The following APOBEC3D variants were observed in gnomAD, a reference collection of about 807,000 sequenced individuals.
The protein encoded by APOBEC3D is DNA dC->dU-editing enzyme APOBEC-3D.
Under a neutral mutation model 45.6 loss-of-function variants are expected in APOBEC3D, and 37 were observed. The ratio of observed to expected loss-of-function variants is 0.81; its 90% confidence interval spans 0.62 to 1.07. APOBEC3D has a LOEUF of 1.07. Among genes scored for constraint, APOBEC3D ranks in the 50% least tolerant of loss-of-function variants. APOBEC3D has a pLI of 0.00. For synonymous variants in APOBEC3D, 175 were observed against 180.7 expected, an observed-to-expected ratio of 0.97 and a Z score of 0.25; for missense variants, 496 against 495.3, an observed-to-expected ratio of 1.00 and a Z score of -0.01.
At chr22:39,021,565 C>A (rs748983584) in intron 1 of APOBEC3D, 29 bp downstream of exon 1, 1 of 1,611,764 alleles carries the variant, frequency 6.2e-7, no homozygotes, top group East Asian at 2.2e-5. Context: ...TCCGCAGGGC[C>A]CCTCCGGCCC....
At chr22:39,027,986 G>A (rs1351132942) in intron 4 of APOBEC3D, among the ~76,000 whole-genome samples, 1 of 152,212 alleles carries the variant, frequency 6.6e-6, no homozygotes, top group Non-Finnish European at 1.5e-5. Flanking sequence ...TTGAACCAAA[G>A]GATGATTGGA....
chr22:39,029,761 C>T (rs571172287), intron 5 of APOBEC3D, among the ~76,000 whole-genome samples: 2 of 152,092 alleles, frequency 1.3e-5, no homozygotes, highest in East Asian at 3.9e-4. Context: ...CCACACTCAG[C>T]TAATTTTTAT....
chr22:39,025,894 C>G (rs899062371), intron 4 of APOBEC3D, among the ~76,000 whole-genome samples: 1 of 152,106 alleles, frequency 6.6e-6, no homozygotes, highest in Non-Finnish European at 1.5e-5. Flanking sequence ...GCCTCCAGAG[C>G]GACCTCCATC....
At chr22:39,021,977 G>C (rs1925159629) in intron 1 of APOBEC3D, among the ~76,000 whole-genome samples, 2 of 152,188 alleles carry the variant, frequency 1.3e-5, no homozygotes, top group Non-Finnish European at 2.9e-5. Context: ...GAGAGGGTGT[G>C]GGGAGGGAAT....
chr22:39,027,013 G>A (rs9611080), intron 4 of APOBEC3D, among the ~76,000 whole-genome samples: 1 of 152,142 alleles, frequency 6.6e-6, no homozygotes, highest in South Asian at 2.1e-4. Flanking sequence ...GGAGGCTTGA[G>A]ATGCTAGGAG....
At chr22:39,026,219 T>G (rs574397769) in intron 4 of APOBEC3D, among the ~76,000 whole-genome samples, 1 of 152,208 alleles carries the variant, frequency 6.6e-6, no homozygotes, top group South Asian at 2.1e-4. Context: ...TGGGTGGGGT[T>G]GTGTCCTCTG....
intron 1 of APOBEC3D, 86 bp downstream of exon 1, chr22:39,021,622 C>T (rs1357913096): frequency 3.8e-6 from 6 of 1,572,768 alleles, no homozygotes; most frequent in Non-Finnish European, 5.2e-6. Flanking sequence ...CCTCCCCCTG[C>T]CCCAGCCCCA....
intron 2 of APOBEC3D, among the ~76,000 whole-genome samples, chr22:39,023,294 T>G (rs1453643062): frequency 3.3e-5 from 5 of 151,856 alleles, no homozygotes; most frequent in Non-Finnish European, 2.9e-5. Context: ...TTTTGTATTT[T>G]CAGTAGAGAT....
Position 39,029,509 on chromosome 22 carries a change from T to C in APOBEC3D, c.752T>C (p.Phe251Ser). 3 of 1,614,124 alleles carry C rather than the reference T, an allele frequency of 1.9e-6. No homozygotes were observed. The highest frequency in any genetic ancestry group is 2.5e-6 in the Non-Finnish European group (3 of 1,180,018). Residue 251 changes from phenylalanine to serine, a missense_variant, in exon 5 of 7, where the codon TTC becomes TCC. Transcript: ENST00000216099. Reference sequence around the variant, plus strand: ...GCTGTCTTCCGGAAGAGGGGCGTCTTCCGAAACCAGGTAGCACCAAAGTCC... The same window carrying C: ...GCTGTCTTCCGGAAGAGGGGCGTCTCCCGAAACCAGGTAGCACCAAAGTCC... ...HSAVFRKRGV[F>S]RNQVDPETHC...
In APOBEC3D at chr22:39,023,064, G is replaced by A. The variant is rs369456247; in HGVS notation, c.210+50G>A. 1.1e-5 allele frequency: 16 copies of A among 1,391,664 alleles called. No individual in the cohort carries two copies. In the African/African-American group the frequency reaches 1.8e-4, roughly 16 times the overall value. The allele number at this position is 1,391,664 out of a possible 1,614,324, so 86.2% of individuals were successfully genotyped here. Reference sequence around the variant, plus strand: ...CACATAAGTAAAATGTCTGGCGGCGGGCTCTCAACTGTGTATTTTTTCCCC... The same window carrying A: ...CACATAAGTAAAATGTCTGGCGGCGAGCTCTCAACTGTGTATTTTTTCCCC... On this transcript the variant is annotated intron_variant, in intron 2 of 6. Coordinates refer to ENST00000216099, the MANE Select transcript of APOBEC3D (RefSeq NM_152426.4).
intron 2 of APOBEC3D, among the ~76,000 whole-genome samples, chr22:39,023,926 G>C (rs963665547): frequency 6.6e-6 from 1 of 151,758 alleles, no homozygotes; most frequent in African/African-American, 2.4e-5. Flanking sequence ...CCATCCCTAC[G>C]GCCCCCTCCA....
chr22:39,031,893 A>T lies in APOBEC3D; in HGVS notation c.962A>T (p.Tyr321Phe), dbSNP rs373772968. Residue 321 changes from tyrosine (Y) to phenylalanine (F), a missense_variant, in exon 6 of 7, where the codon TAC becomes TTC. By Grantham distance (22) the Tyr-to-Phe change is conservative (BLOSUM62 3). Coordinates refer to ENST00000216099, the MANE Select transcript of APOBEC3D (RefSeq NM_152426.4). Reference protein sequence around the residue: ...NLTIFTARLCYFWDTDYQEGL... With the variant: ...NLTIFTARLCFFWDTDYQEGL... The stretch of plus-strand genomic sequence containing the variant: ...ACCATCTTCACCGCCCGCCTCTGCT[A>T]CTTCTGGGATACAGATTACCAGGAG... 6 of 1,614,168 alleles carry T rather than the reference A, an allele frequency of 3.7e-6. No individual in the cohort carries two copies. The highest frequency in any genetic ancestry group is 5.1e-6 in the Non-Finnish European group (6 of 1,180,028).
At chr22:39,027,948 C>A (rs1925844644) in intron 4 of APOBEC3D, among the ~76,000 whole-genome samples, 1 of 152,234 alleles carries the variant, frequency 6.6e-6, no homozygotes, top group East Asian at 1.9e-4. Flanking sequence ...GTGCTTCCCG[C>A]CATTCCTGAG....
Position 39,031,835 on chromosome 22 carries a change from G to A in APOBEC3D, c.904G>A (p.Glu302Lys), listed in dbSNP as rs754481462. 2.2e-4 allele frequency: 353 copies of A among 1,614,006 alleles called. 4 individuals are homozygous for A. Among genetic ancestry groups the A allele is most frequent in the Non-Finnish European group, 1.2e-4 (136 of 1,180,034 alleles). Residue 302 changes from glutamate (E) to lysine (K), a missense_variant, in exon 6 of 7, where the codon GAG becomes AAG. Glu to Lys is a moderately conservative substitution (Grantham distance 56, BLOSUM62 1). Coordinates refer to ENST00000216099, the MANE Select transcript of APOBEC3D (RefSeq NM_152426.4). ...CCCAGAGTGTGCAGGGGAGGTGGCC[G>A]AGTTCCTGGCCAGGCACAGCAACGT... The part of the protein sequence containing the change: ...PCPECAGEVA[E>K]FLARHSNVNL...
At chr22:39,025,412 T>G in intron 3 of APOBEC3D, 63 bp downstream of exon 3, 1 of 1,612,630 alleles carries the variant, frequency 6.2e-7, no homozygotes, top group South Asian at 1.1e-5. Flanking sequence ...TGGATGGATC[T>G]GCAATGCCAT....
chr22:39,030,721 A>G (rs4821857), intron 5 of APOBEC3D, among the ~76,000 whole-genome samples: 75,320 of 148,632 alleles, frequency 0.51, 19,138 homozygotes, highest in East Asian at 0.7. Context: ...GAAGGCAGAC[A>G]GGGGACAAGG....
rs1926394866 is a variant in APOBEC3D, at chr22:39,033,081, G to A, written c.*765G>A. ...AAATACCAAAAAAAAGCCAGATGTG[G>A]TGGCATGCACCTGTAGTTTAAGCTA... On this transcript the variant is annotated 3_prime_UTR_variant, in exon 7 of 7. Transcript: ENST00000216099. The A allele has an allele frequency of 1.2e-5, 2 of 161,500 alleles. No individual in the cohort carries two copies. Among genetic ancestry groups the A allele is most frequent in the Non-Finnish European group, 2.6e-5 (2 of 76,666 alleles). The allele number at this position is 161,500 out of a possible 1,614,324, so 10.0% of individuals were successfully genotyped here.
At chr22:39,029,295 G>T (rs577361405) in intron 4 of APOBEC3D, 68 bp from the exon 5 acceptor site, 4 of 1,570,608 alleles carry the variant, frequency 2.5e-6, no homozygotes, top group East Asian at 2.2e-5. Context: ...GGACGTCCAG[G>T]GAGTTGTGTT....
intron 5 of APOBEC3D, 50 bp from the exon 6 acceptor site, chr22:39,031,644 T>G (rs1926223349): frequency 6.2e-7 from 1 of 1,605,208 alleles, no homozygotes. Flanking sequence ...CCTACACTCC[T>G]CCTGCTCCTG....
Sources: gnomAD v4.1 joint callset for allele counts (sites outside exome capture counted in the v4.1 genomes callset) on GRCh38, gnomAD v4.1.1 for gene constraint, MANE v1.5 for transcripts, NCBI Gene and HGNC (gene_info 2026-07-23, HGNC 2026-07-21) for gene names.